Variants in EMCN observed in about 807,000 individuals in gnomAD.
The protein encoded by EMCN is endomucin.
A neutral mutation model predicts 38.4 loss-of-function variants in EMCN; 37 were observed. That is an observed-to-expected ratio of 0.96 (90% CI 0.74 to 1.27). EMCN has a LOEUF of 1.27. Ranked by LOEUF, EMCN falls within the 50% of genes most tolerant of loss-of-function variation. EMCN has a pLI of 0.00. For missense variants in EMCN, 318 were observed against 302.8 expected (o/e 1.05, Z -0.37); for synonymous variants, 95 against 100.8 (o/e 0.94, Z 0.35).
chr4:100,473,819 T>TA (rs1251212571), intron 3 of EMCN: 3 of 146,676 alleles, frequency 2.0e-5, no homozygotes, highest in Admixed American at 6.8e-5. Flanking sequence ...GAGCGAAAAT[T>TA]AAAAAATCCT....
At chr4:100,482,538 T>C (rs1288444930) in intron 1 of EMCN, among the ~76,000 whole-genome samples, 1 of 152,048 alleles carries the variant, frequency 6.6e-6, no homozygotes, top group Non-Finnish European at 1.5e-5. Flanking sequence ...TGAGCAGAGC[T>C]CTGGAGTGGA....
At chr4:100,463,395 G>GT (rs1728235207) in intron 4 of EMCN, among the ~76,000 whole-genome samples, 1 of 152,098 alleles carries the variant, frequency 6.6e-6, no homozygotes, top group Admixed American at 6.6e-5. Flanking sequence ...TAACTCTGCT[G>GT]TTTGTTTGTT....
intron 5 of EMCN, among the ~76,000 whole-genome samples, chr4:100,432,311 A>G (rs1727225580): frequency 6.6e-6 from 1 of 152,112 alleles, no homozygotes; most frequent in South Asian, 2.1e-4. Context: ...AGCCAAAGGA[A>G]AGAAACGAAA....
At chr4:100,440,445 G>A (rs1333681448) in intron 5 of EMCN, among the ~76,000 whole-genome samples, 1 of 151,878 alleles carries the variant, frequency 6.6e-6, no homozygotes, top group Non-Finnish European at 1.5e-5. Flanking sequence ...GTATGCCTTT[G>A]CATACTCATA....
chr4:100,439,137 G>T (rs1160415954), intron 5 of EMCN, among the ~76,000 whole-genome samples: 1 of 152,006 alleles, frequency 6.6e-6, no homozygotes, highest in Non-Finnish European at 1.5e-5. Context: ...AATGTGGTTG[G>T]AACTATTCAT....
chr4:100,448,004 C>T (rs1312513501), intron 4 of EMCN, among the ~76,000 whole-genome samples: 2 of 151,732 alleles, frequency 1.3e-5, no homozygotes, highest in African/African-American at 4.8e-5. Flanking sequence ...CTTTGAATAT[C>T]CTGAGATAAC....
chr4:100,509,494 A>G (rs1489115000), intron 1 of EMCN, among the ~76,000 whole-genome samples: 2 of 152,330 alleles, frequency 1.3e-5, no homozygotes, highest in African/African-American at 4.8e-5. Flanking sequence ...TAGAGTTGTC[A>G]CAATGGCTTT....
At chr4:100,457,783 G>A (rs1728059320) in intron 4 of EMCN, among the ~76,000 whole-genome samples, 1 of 152,214 alleles carries the variant, frequency 6.6e-6, no homozygotes, top group African/African-American at 2.4e-5. Flanking sequence ...TTTTGTGAAT[G>A]ATTTTGGTAT....
In EMCN at chr4:100,498,694, G is replaced by A. The variant is rs1043915942; in HGVS notation, c.65-18655C>T. Among the ~76,000 whole-genome samples, 12 of 152,038 alleles carry A rather than the reference G, an allele frequency of 7.9e-5. No individual in the cohort carries two copies. In the South Asian group the frequency reaches 8.3e-4, roughly 11 times the overall value. ...TGACCTCAGGTGATCCACCCACCTCGGCCTCCCAAAGTGCTGGGAGTACAG... is the reference window on the plus strand; with the variant it reads ...TGACCTCAGGTGATCCACCCACCTCAGCCTCCCAAAGTGCTGGGAGTACAG... On this transcript the variant is annotated intron_variant, in intron 1 of 11. Transcript: ENST00000296420.
intron 5 of EMCN, among the ~76,000 whole-genome samples, chr4:100,438,093 T>C (rs980583229): frequency 2.6e-5 from 4 of 152,076 alleles, no homozygotes; most frequent in Non-Finnish European, 5.9e-5. Flanking sequence ...TCTTTCAGTA[T>C]ACAAATGTTT....
chr4:100,470,115 A>G (rs1728433861), intron 3 of EMCN, among the ~76,000 whole-genome samples: 1 of 152,026 alleles, frequency 6.6e-6, no homozygotes, highest in African/African-American at 2.4e-5. Flanking sequence ...TAACCTACAG[A>G]ATGGGGGAAA....
At chr4:100,457,600 T>C (rs905676049) in intron 4 of EMCN, among the ~76,000 whole-genome samples, 3 of 152,190 alleles carry the variant, frequency 2.0e-5, no homozygotes, top group Admixed American at 1.3e-4. Flanking sequence ...GTATATTATA[T>C]TGATTGATTT....
chr4:100,399,649 A>G (rs191081775), intron 11 of EMCN, among the ~76,000 whole-genome samples: 201 of 152,274 alleles, frequency 1.3e-3, no homozygotes, highest in African/African-American at 4.6e-3. Context: ...GATTAGAAGG[A>G]TGATTGCAGA....
At chr4:100,472,409 A>C (rs1728502056) in intron 3 of EMCN, among the ~76,000 whole-genome samples, 1 of 152,068 alleles carries the variant, frequency 6.6e-6, no homozygotes, top group Non-Finnish European at 1.5e-5. Context: ...TTTTACAAAA[A>C]TAAGTTTAAG....
intron 5 of EMCN, among the ~76,000 whole-genome samples, chr4:100,427,453 C>T (rs1354077): frequency 0.28 from 27,574 of 96,856 alleles, 4,542 homozygotes; most frequent in East Asian, 0.76. Flanking sequence ...CTCTCTCTCT[C>T]TTTTTTTTTT....
intron 9 of EMCN, among the ~76,000 whole-genome samples, 154 bp from the exon 10 acceptor site, chr4:100,416,113 CATAT>C (rs35553330): frequency 6.8e-6 from 1 of 147,682 alleles, no homozygotes; most frequent in Admixed American, 6.8e-5. Flanking sequence ...TGTATACATA[CATAT>C]ATATATATAT....
chr4:100,504,019 T>C (rs1729414975), intron 1 of EMCN, among the ~76,000 whole-genome samples: 1 of 152,216 alleles, frequency 6.6e-6, no homozygotes, highest in African/African-American at 2.4e-5. Flanking sequence ...ATCTATAATC[T>C]GTTTGATAAA....
intron 5 of EMCN, among the ~76,000 whole-genome samples, chr4:100,426,153 A>G (rs1036305259): frequency 6.6e-6 from 1 of 152,150 alleles, no homozygotes; most frequent in African/African-American, 2.4e-5. Context: ...CAGAAGACCT[A>G]TCAATGTCCC....
At chr4:100,417,019 C>T in intron 9 of EMCN, 98 bp downstream of exon 9, 2 of 1,235,004 alleles carry the variant, frequency 1.6e-6, no homozygotes, top group South Asian at 2.5e-5. Flanking sequence ...AGATTTTCTA[C>T]ACTTTAGAAA....
Sources: allele counts gnomAD v4.1 joint callset (sites outside exome capture counted in the v4.1 genomes callset), GRCh38; gene constraint gnomAD v4.1.1; transcripts MANE v1.5; gene names NCBI Gene and HGNC (gene_info 2026-07-23, HGNC 2026-07-21).